Variants in MACROD2 observed in about 807,000 individuals in gnomAD.
MACROD2 encodes the protein ADP-ribose glycohydrolase MACROD2.
MACROD2 carries 36 observed loss-of-function variants against 70.4 expected under a neutral mutation model. The observed-to-expected ratio is 0.51, with a 90% CI of 0.39 to 0.68. The LOEUF (loss-of-function observed/expected upper bound fraction) is 0.68, where lower values mean the gene tolerates loss of function less well. MACROD2 is among the 30% of genes least tolerant of loss of function. MACROD2 has a pLI of 0.00. For synonymous variants in MACROD2, 172 were observed against 178.8 expected, an observed-to-expected ratio of 0.96 and a Z score of 0.30; for missense variants, 496 against 538.4, an observed-to-expected ratio of 0.92 and a Z score of 0.78.
chr20:15,340,287 A>G (rs750626399), intron 6 of MACROD2, among the ~76,000 whole-genome samples: 4 of 151,008 alleles, frequency 2.6e-5, no homozygotes, highest in Non-Finnish European at 5.9e-5. Flanking sequence ...ACAGGTGCCC[A>G]CCACCACGCC....
intron 6 of MACROD2, among the ~76,000 whole-genome samples, chr20:15,383,525 A>G (rs1303507626): frequency 6.6e-6 from 1 of 152,212 alleles, no homozygotes; most frequent in African/African-American, 2.4e-5. Context: ...TTTTAATTTT[A>G]ACATGATGTT....
At chr20:15,552,682 C>T (rs6043359) in intron 8 of MACROD2, 56,669 of 151,986 alleles carry the variant, frequency 0.37, 11,135 homozygotes, top group South Asian at 0.48. Context: ...TGGTGAATAG[C>T]AGCCTAGAAG....
At chr20:14,411,015 G>A (rs751717419) in intron 3 of MACROD2, among the ~76,000 whole-genome samples, 3 of 152,122 alleles carry the variant, frequency 2.0e-5, no homozygotes, top group Non-Finnish European at 4.4e-5. Flanking sequence ...TCACTCTCAT[G>A]GATCCCTTCC....
At chr20:15,817,930 G>A (rs2063894902) in intron 8 of MACROD2, among the ~76,000 whole-genome samples, 1 of 152,100 alleles carries the variant, frequency 6.6e-6, no homozygotes. Flanking sequence ...GTTACCTACT[G>A]GACCACTTCT....
At chr20:15,537,453 G>A (rs955805770) in intron 8 of MACROD2, among the ~76,000 whole-genome samples, 1 of 148,806 alleles carries the variant, frequency 6.7e-6, no homozygotes, top group Non-Finnish European at 1.5e-5. Context: ...CTTTGCCTGG[G>A]AAATCCCACT....
intron 8 of MACROD2, among the ~76,000 whole-genome samples, chr20:15,843,685 G>A (rs888095052): frequency 6.6e-5 from 10 of 152,004 alleles, no homozygotes; most frequent in South Asian, 2.1e-4. Context: ...TCTACCATGG[G>A]CCCATTTAAA....
rs186779483 is a variant in MACROD2 at position 14,100,543 on chromosome 20, A to G, written c.271+14815A>G. 4.8e-3 allele frequency among the ~76,000 whole-genome samples: 710 copies of G among 147,942 alleles called. 5 individuals are homozygous for G. Among genetic ancestry groups the G allele is most frequent in the Non-Finnish European group, 8.3e-3 (558 of 67,042 alleles). On this transcript the variant is annotated intron_variant, in intron 3 of 17. Coordinates refer to ENST00000684519, the MANE Select transcript of MACROD2 (RefSeq NM_001351661.2). ...TAAAATGTGTCAAATTTTACTATCC[A>G]GAAATAACCACTATTAATACTTGTT...
chr20:15,977,695 G>A (rs867657629), intron 13 of MACROD2, among the ~76,000 whole-genome samples: 9 of 152,158 alleles, frequency 5.9e-5, no homozygotes, highest in Admixed American at 5.9e-4. Flanking sequence ...GAGAGACAAA[G>A]ACAGACACAA....
chr20:14,896,735 T>C (rs780581011), intron 5 of MACROD2, among the ~76,000 whole-genome samples: 4 of 152,100 alleles, frequency 2.6e-5, no homozygotes, highest in Admixed American at 6.5e-5. Flanking sequence ...TCCTGTGAAT[T>C]GATACAAACT....
At chr20:14,253,290 TATGGTTTTCAAAAGAA>T (rs2082026573) in intron 3 of MACROD2, among the ~76,000 whole-genome samples, 1 of 152,016 alleles carries the variant, frequency 6.6e-6, no homozygotes, top group Non-Finnish European at 1.5e-5. Context: ...AATATAGTCT[TATGGTTTTCAAAAGAA>T]ATGTTTTAAC....
At chr20:15,677,490 G>A (rs2050076323) in intron 8 of MACROD2, among the ~76,000 whole-genome samples, 1 of 152,144 alleles carries the variant, frequency 6.6e-6, no homozygotes, top group Admixed American at 6.5e-5. Flanking sequence ...CTGCAGCAGA[G>A]CTGGGGCACC....
intron 3 of MACROD2, among the ~76,000 whole-genome samples, chr20:14,389,490 A>C (rs1355350914): frequency 6.6e-6 from 1 of 150,676 alleles, no homozygotes; most frequent in Non-Finnish European, 1.5e-5. Context: ...GTGGCATGAG[A>C]GAGATCACTT....
At chr20:14,866,157 A>C (rs1343369168) in intron 5 of MACROD2, among the ~76,000 whole-genome samples, 1 of 152,164 alleles carries the variant, frequency 6.6e-6, no homozygotes, top group Non-Finnish European at 1.5e-5. Flanking sequence ...ATAGTTATGC[A>C]TACAATTAGC....
chr20:15,733,792 T>G (rs1306402493), intron 8 of MACROD2, among the ~76,000 whole-genome samples: 1 of 152,164 alleles, frequency 6.6e-6, no homozygotes, highest in Non-Finnish European at 1.5e-5. Context: ...GTGTATTTTA[T>G]TTTTATTATC....
intron 2 of MACROD2, among the ~76,000 whole-genome samples, chr20:14,066,048 T>G (rs1286313151): frequency 6.6e-6 from 1 of 152,206 alleles, no homozygotes; most frequent in East Asian, 1.9e-4. Context: ...GATTACATTT[T>G]TTTTTCTTTT....
chr20:15,954,993 A>G (rs1212245525), intron 12 of MACROD2, among the ~76,000 whole-genome samples: 1 of 152,186 alleles, frequency 6.6e-6, no homozygotes, highest in Non-Finnish European at 1.5e-5. Context: ...AAAGAAAGTC[A>G]GACAGATCAT....
At chr20:14,107,862 C>T (rs2054391785) in intron 3 of MACROD2, among the ~76,000 whole-genome samples, 1 of 152,064 alleles carries the variant, frequency 6.6e-6, no homozygotes, top group African/African-American at 2.4e-5. Context: ...CCAGAATTGA[C>T]CTACAAGAAA....
chr20:15,327,105 T>C (rs564039087), intron 6 of MACROD2, among the ~76,000 whole-genome samples: 7 of 152,264 alleles, frequency 4.6e-5, no homozygotes, highest in South Asian at 2.1e-4. Context: ...TCATAAATGT[T>C]TGTATTTTTT....
chr20:14,487,574 C>T (rs1434371646), intron 3 of MACROD2, among the ~76,000 whole-genome samples: 1 of 152,100 alleles, frequency 6.6e-6, no homozygotes. Context: ...ATGGCTTTCC[C>T]CTTCCCCTCT....
Sources: allele counts gnomAD v4.1 joint callset (sites outside exome capture counted in the v4.1 genomes callset), GRCh38; gene constraint gnomAD v4.1.1; transcripts MANE v1.5; gene names NCBI Gene and HGNC (gene_info 2026-07-23, HGNC 2026-07-21).